Variants in KCTD20 observed in about 807,000 individuals in gnomAD.
KCTD20 encodes the protein potassium channel tetramerization domain containing 20.
In KCTD20, 30 loss-of-function variants were observed where a neutral mutation model predicts 39.6. The ratio of observed to expected loss-of-function variants is 0.76; its 90% confidence interval spans 0.57 to 1.03. The LOEUF is 1.03. KCTD20 is among the 50% of genes least tolerant of loss of function. The pLI is 0.00. For synonymous variants in KCTD20, 162 were observed against 180.6 expected (o/e 0.90, Z 0.83); for missense variants, 422 against 522.0 (o/e 0.81, Z 1.87).
intron 1 of KCTD20, among the ~76,000 whole-genome samples, chr6:36,459,824 A>G (rs188591844): frequency 6.6e-6 from 1 of 152,300 alleles, no homozygotes; most frequent in Non-Finnish European, 1.5e-5. Flanking sequence ...TATAGTACTG[A>G]TTTATGGATC....
intron 3 of KCTD20, 30 bp downstream of exon 3, chr6:36,475,092 A>G (rs1178410704): frequency 6.3e-7 from 1 of 1,597,000 alleles, no homozygotes; most frequent in South Asian, 1.1e-5. Context: ...TTCCAAATTC[A>G]TTCTGTTCTC....
At chr6:36,448,013 G>GTGTGTATGTA (rs1554158507) in intron 1 of KCTD20, among the ~76,000 whole-genome samples, 1 of 128,952 alleles carries the variant, frequency 7.8e-6, no homozygotes, top group African/African-American at 3.2e-5. Flanking sequence ...GTATGTGTGT[G>GTGTGTATGTA]TGTATATATA....
At chr6:36,459,426 T>C (rs1775538625) in intron 1 of KCTD20, among the ~76,000 whole-genome samples, 1 of 152,276 alleles carries the variant, frequency 6.6e-6, no homozygotes, top group Non-Finnish European at 1.5e-5. Context: ...AAAATCAGGA[T>C]GCATCTGAAA....
At position 36,455,661 on chromosome 6, in the gene KCTD20, G is replaced by A. The variant is rs1178171661; in HGVS notation, c.-47+12550G>A. 2.6e-5 allele frequency among the ~76,000 whole-genome samples: 4 copies of A among 152,016 alleles called. No individual in the cohort carries two copies. In the South Asian group the frequency reaches 8.3e-4, roughly 32 times the overall value. On this transcript the variant is annotated intron_variant, in intron 1 of 7. Transcript: ENST00000373731. ...TTAGGCTATTTATTGCAAAGAATTG[G>A]TTCACACTATGTTGGGGACTAGCTA...
intron 1 of KCTD20, among the ~76,000 whole-genome samples, chr6:36,450,228 G>C (rs1018974016): frequency 1.9e-4 from 28 of 148,936 alleles, no homozygotes; most frequent in African/African-American, 6.7e-4. Flanking sequence ...TGGCTCCTGC[G>C]TGTAATCCCA....
intron 1 of KCTD20, among the ~76,000 whole-genome samples, chr6:36,468,663 A>G (rs1326295458): frequency 6.6e-6 from 1 of 152,238 alleles, no homozygotes; most frequent in East Asian, 1.9e-4. Flanking sequence ...ACCAATCACC[A>G]AACATCAATT....
chr6:36,470,397 C>G (rs1485176913), intron 2 of KCTD20, 140 bp downstream of exon 2: 1 of 745,282 alleles, frequency 1.3e-6, no homozygotes. Context: ...TTACATAAAG[C>G]TGACCTTCAC....
In KCTD20 at chr6:36,472,031, G is replaced by T. The variant is rs571335949; in HGVS notation, c.160+1774G>T. On this transcript the variant is annotated intron_variant, in intron 2 of 7. Coordinates refer to ENST00000373731, the MANE Select transcript of KCTD20 (RefSeq NM_173562.5). ...GCCCGGCTAATTTTTTATATTTTTA[G>T]TAGAGACAGGGTTTCACTGTGTTAG... 4.3e-4 allele frequency among the ~76,000 whole-genome samples: 66 copies of T among 152,116 alleles called. No individual in the cohort carries two copies. In the Middle Eastern group the frequency reaches 0.02, roughly 47 times the overall value.
At chr6:36,456,819 CA>C (rs1257723467) in intron 1 of KCTD20, among the ~76,000 whole-genome samples, 1 of 151,870 alleles carries the variant, frequency 6.6e-6, no homozygotes, top group African/African-American at 2.4e-5. Context: ...TACAGGTGTG[CA>C]AAACCACGTC....
chr6:36,450,605 G>C (rs114703810), intron 1 of KCTD20, among the ~76,000 whole-genome samples: 1,936 of 152,126 alleles, frequency 0.013, 36 homozygotes, highest in African/African-American at 0.044. Flanking sequence ...GGCTTTACCT[G>C]TTCTTCAGAA....
rs144978003 is a variant in KCTD20 at position 36,483,753 on chromosome 6, A to C, written c.857-961A>C. 6.4e-3 allele frequency among the ~76,000 whole-genome samples: 975 copies of C among 152,014 alleles called. 13 individuals are homozygous for C. Among genetic ancestry groups the C allele is most frequent in the African/African-American group, 0.023 (936 of 41,442 alleles). On this transcript the variant is annotated intron_variant, in intron 6 of 7. Transcript: ENST00000373731. Reference sequence around the variant, plus strand: ...AGGCTAGTCTCAAACTCCAGGCCTCAAGCCATCTTCCTGCATCTGCCCCCG... The same window carrying C: ...AGGCTAGTCTCAAACTCCAGGCCTCCAGCCATCTTCCTGCATCTGCCCCCG...
Position 36,481,508 on chromosome 6 carries a change from A to G in KCTD20, c.659-54A>G. 3 of 1,317,700 alleles carry G rather than the reference A, an allele frequency of 2.3e-6. No individual in the cohort carries two copies. In the Admixed American group the frequency reaches 5.0e-5, roughly 22 times the overall value. The allele number at this position is 1,317,700 out of a possible 1,614,324, so 81.6% of individuals were successfully genotyped here. A position where few individuals can be genotyped will look rare whatever the true frequency, so the allele number is the denominator to read the frequency against. ...ATTCCCTCATAGTCTTTTTCACTCC[A>G]GTAATATGTGCATTTAGGCAGAAAG... On this transcript the variant is annotated intron_variant, in intron 5 of 7. Coordinates refer to ENST00000373731, the MANE Select transcript of KCTD20 (RefSeq NM_173562.5).
At chr6:36,457,664 T>C (rs1167165770) in intron 1 of KCTD20, among the ~76,000 whole-genome samples, 1 of 152,134 alleles carries the variant, frequency 6.6e-6, no homozygotes, top group Non-Finnish European at 1.5e-5. Context: ...CAGTGAGTCA[T>C]GATCTGCCAC....
intron 7 of KCTD20, among the ~76,000 whole-genome samples, chr6:36,485,850 C>T (rs1776404378): frequency 6.6e-6 from 1 of 152,146 alleles, no homozygotes; most frequent in African/African-American, 2.4e-5. Context: ...CTCATTTCTG[C>T]CCACAGAACC....
intron 1 of KCTD20, among the ~76,000 whole-genome samples, chr6:36,453,753 G>A (rs924438715): frequency 3.3e-5 from 5 of 151,524 alleles, no homozygotes; most frequent in African/African-American, 7.3e-5. Context: ...CAGGTGATCC[G>A]CCCGCCTTGG....
At chr6:36,453,303 C>T (rs1371949875) in intron 1 of KCTD20, among the ~76,000 whole-genome samples, 1 of 151,468 alleles carries the variant, frequency 6.6e-6, no homozygotes, top group South Asian at 2.1e-4. Flanking sequence ...TGAGCCACCA[C>T]CCCCAGCCTT....
chr6:36,467,579 G>A (rs1349510409), intron 1 of KCTD20, among the ~76,000 whole-genome samples: 3 of 151,268 alleles, frequency 2.0e-5, no homozygotes, highest in African/African-American at 4.9e-5. Flanking sequence ...CTCGTGATCC[G>A]CCCGCCCCAG....
intron 1 of KCTD20, among the ~76,000 whole-genome samples, chr6:36,463,433 G>A (rs1561948752): frequency 6.6e-6 from 1 of 152,136 alleles, no homozygotes; most frequent in African/African-American, 2.4e-5. Context: ...GAGAAAAAAG[G>A]AGTTAAGAAT....
intron 7 of KCTD20, 59 bp downstream of exon 7, chr6:36,484,883 C>T (rs1250999727): frequency 1.0e-6 from 1 of 977,828 alleles, no homozygotes; most frequent in Non-Finnish European, 1.6e-6. Flanking sequence ...CCACAGCTTA[C>T]ATCCTCAAAA....
Sources: allele counts gnomAD v4.1 joint callset (sites outside exome capture counted in the v4.1 genomes callset), GRCh38; gene constraint gnomAD v4.1.1; transcripts MANE v1.5; gene names NCBI Gene and HGNC (gene_info 2026-07-23, HGNC 2026-07-21).